ARHGAP29: variants seen among roughly 807,000 people sequenced by gnomAD.
ARHGAP29 encodes Rho GTPase activating protein 29, also known as rho GTPase-activating protein 29.
In ARHGAP29, 43 loss-of-function variants were observed where a neutral mutation model predicts 122.6. The ratio of observed to expected loss-of-function variants is 0.35; its 90% CI spans 0.27 to 0.45. The LOEUF is 0.45. Ranked by LOEUF, ARHGAP29 falls within the 20% of genes least tolerant of loss-of-function variation. ARHGAP29 has a pLI of 1.00. For synonymous variants in ARHGAP29, 506 were observed against 497.1 expected, an observed-to-expected ratio of 1.02 and a Z score of -0.24; for missense variants, 1,303 against 1,477.2, an observed-to-expected ratio of 0.88 and a Z score of 1.93.
chr1:94,186,889 A>G (rs1386430297), intron 15 of ARHGAP29, among the ~76,000 whole-genome samples: 1 of 152,226 alleles, frequency 6.6e-6, no homozygotes, highest in Non-Finnish European at 1.5e-5. Context: ...TGTAAACTCC[A>G]CAAGTATAGC....
At chr1:94,214,048 T>A (rs980956689) in intron 3 of ARHGAP29, among the ~76,000 whole-genome samples, 1 of 152,142 alleles carries the variant, frequency 6.6e-6, no homozygotes, top group Admixed American at 6.6e-5. Context: ...AAATGAGAGG[T>A]GATATAACAG....
the ARHGAP29 span, among the ~76,000 whole-genome samples, chr1:94,301,368 CG>C: frequency 6.6e-6 from 1 of 152,158 alleles, no homozygotes; most frequent in Non-Finnish European, 1.5e-5. Flanking sequence ...TGGCTTCAGA[CG>C]TGTCTAGATC....
At chr1:94,221,269 C>T (rs182576676) in intron 2 of ARHGAP29, among the ~76,000 whole-genome samples, 16 of 152,160 alleles carry the variant, frequency 1.1e-4, no homozygotes, top group East Asian at 3.9e-4. Flanking sequence ...TTTAAAACCC[C>T]GAAGTAATCC....
At chr1:94,183,270 A>G (rs1488760764) in intron 19 of ARHGAP29, among the ~76,000 whole-genome samples, 3 of 152,198 alleles carry the variant, frequency 2.0e-5, no homozygotes, top group Admixed American at 2.0e-4. Flanking sequence ...GTTGAGGACT[A>G]TCATCACTAT....
intron 19 of ARHGAP29, among the ~76,000 whole-genome samples, chr1:94,181,413 C>T (rs1166681065): frequency 2.0e-5 from 3 of 152,068 alleles, no homozygotes; most frequent in African/African-American, 7.2e-5. Flanking sequence ...GACAGACGGG[C>T]AACTATCTGA....
At chr1:94,234,026 G>T (rs145280287) in intron 1 of ARHGAP29, among the ~76,000 whole-genome samples, 68 of 152,242 alleles carry the variant, frequency 4.5e-4, no homozygotes, top group Admixed American at 7.2e-4. Flanking sequence ...CCTCCTCAAA[G>T]AAACGTTCCT....
rs774342427 is a variant in ARHGAP29, at chr1:94,189,974, C to T, written c.1391G>A (p.Ser464Asn). Residue 464 changes from serine to asparagine, a missense_variant, in exon 13 of 23, where the codon AGT becomes AAT. Around this residue, in one of 3 missense-constraint regions of ARHGAP29, gnomAD observed 592 missense variants for 648.2 expected, o/e 0.91. Coordinates refer to ENST00000260526, the MANE Select transcript of ARHGAP29 (RefSeq NM_004815.4). ...AKLYDPGQEY[S>N]EFVKATNSTE... ...TGAATTTGTGGCCTTGACAAATTCACTGTACTCTTGGCCTGGGTCATAGAG... is the reference window on the plus strand; with the variant it reads ...TGAATTTGTGGCCTTGACAAATTCATTGTACTCTTGGCCTGGGTCATAGAG... 9 of 1,613,498 alleles carry T rather than the reference C, an allele frequency of 5.6e-6. No homozygotes were observed. Among genetic ancestry groups the T allele is most frequent in the East Asian group, 2.2e-5 (1 of 44,860 alleles).
In ARHGAP29 at chr1:94,174,542, T is replaced by C. The variant is rs1232917614; in HGVS notation, c.3113A>G (p.Asn1038Ser). The part of the protein sequence containing the change: ...ASPPNERNGR[N>S]MGNVNLDKFC... Reference sequence around the variant, plus strand: ...CTTGTCTAAATTTACATTTCCCATATTTCTGCCATTTCTCTCATTAGGAGG... The same window carrying C: ...CTTGTCTAAATTTACATTTCCCATACTTCTGCCATTTCTCTCATTAGGAGG... Residue 1038 changes from asparagine to serine, a missense_variant, in exon 23 of 23, where the codon AAT becomes AGT. Physicochemically the swap from Asn to Ser is conservative, Grantham distance 46 (BLOSUM62 1). This residue lies in a region of ARHGAP29 where 620 missense variants were observed against 651.2 expected (regional missense o/e 0.95). Coordinates refer to ENST00000260526, the MANE Select transcript of ARHGAP29 (RefSeq NM_004815.4). 3 of 1,614,210 alleles carry C rather than the reference T, an allele frequency of 1.9e-6. No individual in the cohort carries two copies. The highest frequency in any genetic ancestry group is 2.2e-5 in the South Asian group (2 of 91,076).
chr1:94,310,529 A>G, the ARHGAP29 span, among the ~76,000 whole-genome samples: 2 of 152,240 alleles, frequency 1.3e-5, no homozygotes, highest in African/African-American at 4.8e-5. Context: ...AAAAAGACTC[A>G]AGAGGACCAT....
At chr1:94,192,972 C>T (rs1012520431) in intron 12 of ARHGAP29, 2 of 151,880 alleles carry the variant, frequency 1.3e-5, no homozygotes, top group African/African-American at 2.4e-5. Flanking sequence ...AAAAAGACAC[C>T]AACCCTGATA....
chr1:94,227,131 TA>T (rs932391523), intron 2 of ARHGAP29, among the ~76,000 whole-genome samples: 5 of 149,192 alleles, frequency 3.4e-5, no homozygotes, highest in Non-Finnish European at 7.5e-5. Context: ...ACTTTTCATT[TA>T]ATGAAAAGTT....
At chr1:94,251,201 T>C (rs1453298233) in intron 1 of ARHGAP29, among the ~76,000 whole-genome samples, 2 of 151,412 alleles carry the variant, frequency 1.3e-5, no homozygotes, top group Non-Finnish European at 2.9e-5. Flanking sequence ...GAGGAAGTCT[T>C]GCTCTGTCAC....
intron 1 of ARHGAP29, among the ~76,000 whole-genome samples, chr1:94,256,062 T>G (rs1223988796): frequency 6.6e-6 from 1 of 152,196 alleles, no homozygotes. Flanking sequence ...TCATCCTTAT[T>G]CAGCTACTAA....
At chr1:94,222,628 A>G (rs2101589072) in intron 2 of ARHGAP29, among the ~76,000 whole-genome samples, 1 of 152,322 alleles carries the variant, frequency 6.6e-6, no homozygotes, top group African/African-American at 2.4e-5. Context: ...CCTAAGGAGA[A>G]AAAACTAAAT....
At chr1:94,253,636 A>ACGCACG (rs1553214897) in intron 1 of ARHGAP29, among the ~76,000 whole-genome samples, 162 of 149,344 alleles carry the variant, frequency 1.1e-3, no homozygotes, top group Middle Eastern at 3.5e-3. Flanking sequence ...TCTGGAACAC[A>ACGCACG]CACGCACGCA....
chr1:94,223,885 GC>G (rs1652468070), intron 2 of ARHGAP29, among the ~76,000 whole-genome samples: 1 of 151,498 alleles, frequency 6.6e-6, no homozygotes, highest in Admixed American at 6.6e-5. Context: ...TCAGCTCAGT[GC>G]AACCTCTGCC....
Position 94,169,899 on chromosome 1 carries a change from A to G in ARHGAP29, c.*3970T>C, listed in dbSNP as rs1175229400. Among the ~76,000 whole-genome samples the G allele has an allele frequency of 6.6e-6, 1 of 152,222 alleles. No individual in the cohort carries two copies. The highest frequency in any genetic ancestry group is 1.5e-5 in the Non-Finnish European group (1 of 68,038). ...AATCGGGGAAAATTTCAGCATGAAAATAAGTGACAATAATACACTGTCACT... is the reference window on the plus strand; with the variant it reads ...AATCGGGGAAAATTTCAGCATGAAAGTAAGTGACAATAATACACTGTCACT... On this transcript the variant is annotated 3_prime_UTR_variant, in exon 23 of 23. Transcript: ENST00000260526.
intron 11 of ARHGAP29, chr1:94,202,170 T>C (rs1650889829): frequency 2.2e-6 from 1 of 455,402 alleles, no homozygotes; most frequent in African/African-American, 2.0e-5. Flanking sequence ...TCATCAATAA[T>C]ACAAAGCTTT....
At chr1:94,217,997 CACTGAACAGAT>C (rs1652058033) in intron 3 of ARHGAP29, among the ~76,000 whole-genome samples, 2 of 152,184 alleles carry the variant, frequency 1.3e-5, no homozygotes, top group South Asian at 4.1e-4. Context: ...GACTGGCTGG[CACTGAACAGAT>C]ACTCAAAATG....
Sources: allele counts gnomAD v4.1 joint callset (sites outside exome capture counted in the v4.1 genomes callset), GRCh38; gene constraint gnomAD v4.1.1; regional missense constraint gnomAD v4.1.1; transcripts MANE v1.5; gene names NCBI Gene and HGNC (gene_info 2026-07-23, HGNC 2026-07-21).